The following PCDHGA8 variants were observed in gnomAD, a reference collection of about 807,000 sequenced individuals.
PCDHGA8 encodes the protein protocadherin gamma subfamily A, 8.
In PCDHGA8, 45 loss-of-function variants were observed where a neutral mutation model predicts 59.2. The observed-to-expected ratio is 0.76, with a 90% confidence interval of 0.60 to 0.98. The LOEUF (loss-of-function observed/expected upper bound fraction) is 0.98, where lower values mean the gene tolerates loss of function less well. Ranked by LOEUF, PCDHGA8 falls within the 50% of genes least tolerant of loss-of-function variation. The pLI is 0.00. For synonymous variants in PCDHGA8, 531 were observed against 519.0 expected, an observed-to-expected ratio of 1.02 and a Z score of -0.32; for missense variants, 1,257 against 1,196.2, an observed-to-expected ratio of 1.05 and a Z score of -0.75.
At chr5:141,445,767 T>C (rs2098476828) in intron 1 of PCDHGA8, among the ~76,000 whole-genome samples, 1 of 152,142 alleles carries the variant, frequency 6.6e-6, no homozygotes, top group African/African-American at 2.4e-5. Flanking sequence ...ACTCAAGCAA[T>C]TTAAAAGGGC....
intron 1 of PCDHGA8, chr5:141,421,617 C>A (rs781622911): frequency 6.2e-7 from 1 of 1,613,768 alleles, no homozygotes; most frequent in South Asian, 1.1e-5. Flanking sequence ...TTAATGATAA[C>A]GCCCCCAGCT....
chr5:141,406,253 C>CA (rs2094783585), intron 1 of PCDHGA8, among the ~76,000 whole-genome samples: 1 of 151,976 alleles, frequency 6.6e-6, no homozygotes, highest in Admixed American at 6.6e-5. Flanking sequence ...AGACTGGTCT[C>CA]AAACGATCTT....
chr5:141,450,846 A>C (rs2098698903), intron 1 of PCDHGA8, among the ~76,000 whole-genome samples: 1 of 115,730 alleles, frequency 8.6e-6, no homozygotes. Context: ...TTTTTTTGAG[A>C]TGGGGTCTTG....
intron 1 of PCDHGA8, among the ~76,000 whole-genome samples, chr5:141,470,212 C>A (rs756256854): frequency 2.0e-5 from 3 of 152,116 alleles, no homozygotes; most frequent in Non-Finnish European, 4.4e-5. Context: ...AAGGCTAAAC[C>A]ATTCAGCTTC....
chr5:141,404,992 C>G (rs2094593837), intron 1 of PCDHGA8: 5 of 1,613,876 alleles, frequency 3.1e-6, no homozygotes, highest in Admixed American at 3.3e-5. Context: ...GTCTTCAGAT[C>G]CCTGCAGACC....
chr5:141,512,555 A>C lies in PCDHGA8; in HGVS notation c.*1382A>C, dbSNP rs1294402882. 2.6e-5 allele frequency: 4 copies of C among 152,986 alleles called. No individual in the cohort carries two copies. The highest frequency in any genetic ancestry group is 9.6e-5 in the African/African-American group (4 of 41,472). 9.5% of individuals were successfully genotyped at this position (152,986 alleles called of 1,614,324 possible). A position where few individuals can be genotyped will look rare whatever the true frequency, so the allele number is the denominator to read the frequency against. ...AGTTCCCCAGTGCCTCCTTGTGCAT[A>C]GACCTTCTTCTCCCACCCCCTTCTG... On this transcript the variant is annotated 3_prime_UTR_variant, in exon 4 of 4. Transcript: ENST00000398604.
chr5:141,460,498 T>G (rs1028506755), intron 1 of PCDHGA8, among the ~76,000 whole-genome samples: 1 of 152,184 alleles, frequency 6.6e-6, no homozygotes. Context: ...TGGAAAAATA[T>G]GCTGAGAAGG....
chr5:141,458,506 A>G (rs1443711702), intron 1 of PCDHGA8, among the ~76,000 whole-genome samples: 1 of 150,282 alleles, frequency 6.7e-6, no homozygotes, highest in Non-Finnish European at 1.5e-5. Flanking sequence ...ATACTGTTTG[A>G]CACTTTGTTT....
chr5:141,437,518 T>C (rs1482415074), intron 1 of PCDHGA8, among the ~76,000 whole-genome samples: 1 of 152,210 alleles, frequency 6.6e-6, no homozygotes, highest in African/African-American at 2.4e-5. Flanking sequence ...ATAAGGCTGA[T>C]GACAAATGAG....
intron 1 of PCDHGA8, chr5:141,478,777 C>T: frequency 6.7e-7 from 1 of 1,488,806 alleles, no homozygotes. Context: ...CATCTGTGGA[C>T]CTAATTCACA....
chr5:141,426,629 T>G (rs1384012221), intron 1 of PCDHGA8: 4 of 397,284 alleles, frequency 1.0e-5, no homozygotes, highest in South Asian at 7.2e-5. Context: ...CTCTAAATGT[T>G]TTTCACATAA....
At chr5:141,399,624 T>C (rs1006867896) in intron 1 of PCDHGA8, 9 of 1,613,898 alleles carry the variant, frequency 5.6e-6, no homozygotes, top group African/African-American at 4.0e-5. Flanking sequence ...CACTGGCCTC[T>C]TACGTGTCCA....
chr5:141,512,917 T>C lies in PCDHGA8; in HGVS notation c.*1744T>C, dbSNP rs543880225. On this transcript the variant is annotated 3_prime_UTR_variant, in exon 4 of 4. Transcript: ENST00000398604. ...TGTGTCTCACGCAAGTTTTATACTCTAATATTTATATGGCTTTTTTTCTTC... is the reference window on the plus strand; with the variant it reads ...TGTGTCTCACGCAAGTTTTATACTCCAATATTTATATGGCTTTTTTTCTTC... The C allele has an allele frequency of 1.3e-5, 2 of 152,378 alleles. No individual in the cohort carries two copies. Among genetic ancestry groups the C allele is most frequent in the African/African-American group, 2.4e-5 (1 of 41,588 alleles). The allele number at this position is 152,378 out of a possible 1,614,324, so 9.4% of individuals were successfully genotyped here.
At position 141,422,880 on chromosome 5, in the gene PCDHGA8, G is replaced by C. The variant is rs970045921; in HGVS notation, c.2424+27643G>C. The C allele has an allele frequency of 7.4e-6, 12 of 1,614,140 alleles. No individual in the cohort carries two copies. In the Admixed American group the frequency reaches 2.0e-4, roughly 27 times the overall value. ...TCAGCAGCAACGTGTCGCTGAGCCT[G>C]TTCGTGCTGGACCAGAACGACAATG... On this transcript the variant is annotated intron_variant, in intron 1 of 3. Coordinates refer to ENST00000398604, the MANE Select transcript of PCDHGA8 (RefSeq NM_032088.2).
In PCDHGA8 at chr5:141,405,069, C is replaced by T. The variant is rs200974828; in HGVS notation, c.2424+9832C>T. On this transcript the variant is annotated intron_variant, in intron 1 of 3. Coordinates refer to ENST00000398604, the MANE Select transcript of PCDHGA8 (RefSeq NM_032088.2). ...GCAGTCGTCTCCTGTGTCTTCCTCA[C>T]CTTCGTTATCACGCTGCTGGCCCTC... is the stretch of plus-strand genomic sequence containing the variant. 1.3e-4 allele frequency: 215 copies of T among 1,613,758 alleles called. No individual in the cohort carries two copies. The highest frequency in any genetic ancestry group is 1.7e-4 in the Non-Finnish European group (203 of 1,179,762).
intron 1 of PCDHGA8, chr5:141,407,897 A>T (rs1178644193): frequency 4.9e-6 from 2 of 405,126 alleles, no homozygotes; most frequent in African/African-American, 4.1e-5. Context: ...CCGAATTCAA[A>T]ATGAAAAACC....
intron 1 of PCDHGA8, chr5:141,427,734 C>A (rs2097062807): frequency 1.7e-6 from 2 of 1,207,418 alleles, no homozygotes; most frequent in Non-Finnish European, 2.4e-6. Flanking sequence ...GCTGAATGGC[C>A]AAGTCTCCTA....
intron 2 of PCDHGA8, among the ~76,000 whole-genome samples, chr5:141,496,500 C>T (rs1350421492): frequency 6.6e-6 from 1 of 152,162 alleles, no homozygotes; most frequent in Non-Finnish European, 1.5e-5. Flanking sequence ...ACCCTTGTTG[C>T]CACAAGGACC....
chr5:141,427,425 AC>A (rs1184817093), intron 1 of PCDHGA8: 2 of 469,034 alleles, frequency 4.3e-6, no homozygotes, highest in Non-Finnish European at 8.5e-6. Flanking sequence ...TGGGGAGGTT[AC>A]ATGCCTCATA....
Sources: allele counts gnomAD v4.1 joint callset (sites outside exome capture counted in the v4.1 genomes callset), GRCh38; gene constraint gnomAD v4.1.1; transcripts MANE v1.5; gene names NCBI Gene and HGNC (gene_info 2026-07-23, HGNC 2026-07-21).